Variants in ORC4 observed in about 807,000 individuals in gnomAD.
ORC4 encodes origin recognition complex, subunit 4 homolog.
ORC4 carries 55 observed loss-of-function variants against 63.9 expected under a neutral mutation model. The observed-to-expected ratio is 0.86, with a 90% confidence interval of 0.69 to 1.08. ORC4 has a LOEUF of 1.08. Among genes scored for constraint, ORC4 ranks in the 50% least tolerant of loss-of-function variants. ORC4 has a pLI of 0.00. For synonymous variants in ORC4, 150 were observed against 168.5 expected (o/e 0.89, Z 0.85); for missense variants, 511 against 504.4 (o/e 1.01, Z -0.13).
At chr2:147,940,119 T>C (rs911625710) in intron 10 of ORC4, among the ~76,000 whole-genome samples, 1 of 152,170 alleles carries the variant, frequency 6.6e-6, no homozygotes, top group African/African-American at 2.4e-5. Context: ...AGATTGCCAG[T>C]GCTCCCTCCC....
At chr2:147,963,252 C>A (rs1482438257) in intron 4 of ORC4, among the ~76,000 whole-genome samples, 1 of 152,196 alleles carries the variant, frequency 6.6e-6, no homozygotes, top group Non-Finnish European at 1.5e-5. Context: ...CAAATCAGCC[C>A]TGAGGGTTGC....
intron 1 of ORC4, among the ~76,000 whole-genome samples, chr2:147,995,431 G>A (rs534093975): frequency 6.6e-6 from 1 of 152,266 alleles, no homozygotes; most frequent in South Asian, 2.1e-4. Flanking sequence ...GGCCAAATAA[G>A]GGAATAAAAG....
chr2:148,006,913 T>C (rs1023274246), intron 1 of ORC4, among the ~76,000 whole-genome samples: 1 of 152,102 alleles, frequency 6.6e-6, no homozygotes, highest in African/African-American at 2.4e-5. Flanking sequence ...GGCAGGCCAG[T>C]ACAGAGAAAG....
chr2:147,970,639 G>GA (rs2105344433), intron 4 of ORC4, among the ~76,000 whole-genome samples: 1 of 146,674 alleles, frequency 6.8e-6, no homozygotes, highest in East Asian at 2.0e-4. Context: ...AAAAAAAAAC[G>GA]AATCTAAACA....
chr2:147,953,236 C>T (rs1689062965), intron 7 of ORC4, among the ~76,000 whole-genome samples: 1 of 151,370 alleles, frequency 6.6e-6, no homozygotes, highest in Admixed American at 6.6e-5. Context: ...ACTGCGGAGG[C>T]AGAGGTTGCA....
chr2:147,978,719 A>T (rs1558857580), intron 1 of ORC4, among the ~76,000 whole-genome samples: 1 of 152,196 alleles, frequency 6.6e-6, no homozygotes, highest in South Asian at 2.1e-4. Context: ...TCCTCAACAA[A>T]TACTGGCAAA....
In ORC4 at chr2:147,932,486, A is replaced by T. The variant is rs2059422; in HGVS notation, c.*3024T>A. 1.3e-5 allele frequency: 2 copies of T among 151,918 alleles called. No individual in the cohort carries two copies. Among genetic ancestry groups the T allele is most frequent in the East Asian group, 3.9e-4 (2 of 5,174 alleles). 9.4% of individuals were successfully genotyped at this position (151,918 alleles called of 1,614,324 possible). The stretch of plus-strand genomic sequence containing the variant: ...TTCATATGGAACCAAAAAAGAGCCC[A>T]CATCGCCAAGGCAATCCTAAGCTAT... On this transcript the variant is annotated 3_prime_UTR_variant, in exon 14 of 14. Transcript: ENST00000392857.
At chr2:147,990,483 A>T (rs1691515002) in intron 1 of ORC4, among the ~76,000 whole-genome samples, 1 of 152,234 alleles carries the variant, frequency 6.6e-6, no homozygotes, top group Non-Finnish European at 1.5e-5. Flanking sequence ...GCCAATACTG[A>T]TATATATTCC....
chr2:147,956,211 A>C, intron 6 of ORC4, among the ~76,000 whole-genome samples: 1 of 152,112 alleles, frequency 6.6e-6, no homozygotes, highest in East Asian at 1.9e-4. Flanking sequence ...CAGTTGAGAG[A>C]TCTAACATAA....
chr2:147,986,636 C>T (rs1691213501), intron 1 of ORC4, among the ~76,000 whole-genome samples: 1 of 152,076 alleles, frequency 6.6e-6, no homozygotes, highest in Admixed American at 6.5e-5. Context: ...CAGGTATAGC[C>T]TTATCAAATA....
chr2:147,965,821 A>G (rs1472583925), intron 4 of ORC4, among the ~76,000 whole-genome samples: 3 of 152,202 alleles, frequency 2.0e-5, no homozygotes, highest in Non-Finnish European at 2.9e-5. Context: ...ATGTTAGGAC[A>G]CAACAGAAGT....
chr2:147,935,280 T>G lies in ORC4; in HGVS notation c.*230A>C. On this transcript the variant is annotated 3_prime_UTR_variant, in exon 14 of 14. Transcript: ENST00000392857. ...TGGTCTAGTCCCTAAAACAGTCATA[T>G]TTTATTCTTCTGAACAGCTACTTAC... is the stretch of plus-strand genomic sequence containing the variant. 1.8e-6 allele frequency: 1 copy of G among 541,990 alleles called. No homozygotes were observed. Among genetic ancestry groups the G allele is most frequent in the East Asian group, 3.3e-5 (1 of 30,714 alleles). 33.6% of individuals were successfully genotyped at this position (541,990 alleles called of 1,614,324 possible).
In ORC4 at chr2:147,943,416, A is replaced by G. The variant is rs1364456484; in HGVS notation, c.849+20T>C. 6.6e-7 allele frequency: 1 copy of G among 1,508,260 alleles called. No homozygotes were observed. The highest frequency in any genetic ancestry group is 1.4e-5 in the African/African-American group (1 of 72,810). 93.4% of individuals were successfully genotyped at this position (1,508,260 alleles called of 1,614,324 possible). A position where few individuals can be genotyped will look rare whatever the true frequency, so the allele number is the denominator to read the frequency against. On this transcript the variant is annotated intron_variant, in intron 10 of 13. Transcript: ENST00000392857. ...AAACAAAAACAAAGCAACAAGCAAT[A>G]AAACAAAACTAATACAAACCAATAG... is the stretch of plus-strand genomic sequence containing the variant.
At chr2:148,016,457 G>A (rs151054622) in intron 1 of ORC4, among the ~76,000 whole-genome samples, 2 of 152,170 alleles carry the variant, frequency 1.3e-5, no homozygotes, top group African/African-American at 4.8e-5. Context: ...TCAACAGAAA[G>A]GGCCCAATTC....
At chr2:148,018,038 G>T (rs1204063160) in intron 1 of ORC4, among the ~76,000 whole-genome samples, 1 of 152,100 alleles carries the variant, frequency 6.6e-6, no homozygotes, top group Non-Finnish European at 1.5e-5. Flanking sequence ...GCACAGAGAA[G>T]ATATTGGCCA....
chr2:148,017,880 C>G (rs796569824), intron 1 of ORC4, among the ~76,000 whole-genome samples: 1 of 152,154 alleles, frequency 6.6e-6, no homozygotes, highest in Non-Finnish European at 1.5e-5. Context: ...AAAAGCCACA[C>G]GCAGCTAGTA....
At chr2:147,995,651 A>G (rs1691917464) in intron 1 of ORC4, among the ~76,000 whole-genome samples, 1 of 152,118 alleles carries the variant, frequency 6.6e-6, no homozygotes, top group Non-Finnish European at 1.5e-5. Context: ...AAACAACTCC[A>G]GACGCGCCAC....
intron 8 of ORC4, among the ~76,000 whole-genome samples, chr2:147,950,378 G>A (rs1688883718): frequency 6.6e-6 from 1 of 152,104 alleles, no homozygotes; most frequent in African/African-American, 2.4e-5. Context: ...AACAAAAATG[G>A]AATTACTCCC....
intron 1 of ORC4, among the ~76,000 whole-genome samples, chr2:147,987,405 C>A (rs1362254476): frequency 6.8e-6 from 1 of 147,420 alleles, no homozygotes; most frequent in Non-Finnish European, 1.5e-5. Context: ...CACACACACA[C>A]ACACACAAAA....
Sources: allele counts gnomAD v4.1 joint callset (sites outside exome capture counted in the v4.1 genomes callset), GRCh38; gene constraint gnomAD v4.1.1; transcripts MANE v1.5; gene names NCBI Gene and HGNC (gene_info 2026-07-23, HGNC 2026-07-21).